The following TRIM55 variants were observed in gnomAD, a reference collection of about 807,000 sequenced individuals.
TRIM55 encodes the protein tripartite motif containing 55.
A neutral mutation model predicts 60.9 loss-of-function variants in TRIM55; 50 were observed. The observed-to-expected ratio is 0.82, with a 90% confidence interval of 0.65 to 1.04. The LOEUF (loss-of-function observed/expected upper bound fraction) is 1.04, where lower values mean the gene tolerates loss of function less well. Ranked by LOEUF, TRIM55 falls within the 50% of genes least tolerant of loss-of-function variation. The pLI is 0.00. For missense variants in TRIM55, 681 were observed against 666.9 expected, an observed-to-expected ratio of 1.02 and a Z score of -0.23; for synonymous variants, 237 against 238.1, an observed-to-expected ratio of 1.00 and a Z score of 0.04.
chr8:66,168,357 A>G (rs1009269534), intron 9 of TRIM55, among the ~76,000 whole-genome samples: 1 of 152,230 alleles, frequency 6.6e-6, no homozygotes, highest in African/African-American at 2.4e-5. Flanking sequence ...AGGAATCTGT[A>G]ACACCTAAAC....
chr8:66,126,381 G>T (rs2128971507), upstream of TRIM55, among the ~76,000 whole-genome samples: 1 of 152,308 alleles, frequency 6.6e-6, no homozygotes, highest in South Asian at 2.1e-4. Flanking sequence ...GGTGTATGTA[G>T]GAGGTGGGGC....
intron 2 of TRIM55, 129 bp downstream of exon 2, chr8:66,128,605 C>T (rs917005036): frequency 1.0e-6 from 1 of 986,570 alleles, no homozygotes; most frequent in Non-Finnish European, 1.5e-6. Context: ...AATGGTTTTC[C>T]AAGTCAGTCC....
At chr8:66,164,222 A>T (rs1041444226) in intron 9 of TRIM55, among the ~76,000 whole-genome samples, 1 of 152,150 alleles carries the variant, frequency 6.6e-6, no homozygotes, top group Non-Finnish European at 1.5e-5. Flanking sequence ...CCTGAGTCCA[A>T]CAAGCCTGCG....
At chr8:66,133,499 G>A (rs960075694) in intron 2 of TRIM55, among the ~76,000 whole-genome samples, 21 of 152,198 alleles carry the variant, frequency 1.4e-4, no homozygotes, top group African/African-American at 4.8e-4. Context: ...CTCAATTGTG[G>A]AGTTGACTTC....
chr8:66,123,814 C>G (rs372768406), upstream of TRIM55, among the ~76,000 whole-genome samples: 1 of 152,174 alleles, frequency 6.6e-6, no homozygotes, highest in Non-Finnish European at 1.5e-5. Flanking sequence ...GCTATGATTG[C>G]GCCACTGCAC....
At chr8:66,140,591 G>C (rs950683393) in intron 4 of TRIM55, among the ~76,000 whole-genome samples, 1 of 152,200 alleles carries the variant, frequency 6.6e-6, no homozygotes, top group African/African-American at 2.4e-5. Flanking sequence ...ATCTGTCATC[G>C]CTGGGGTGAT....
chr8:66,167,273 T>C (rs1811379666), intron 9 of TRIM55, among the ~76,000 whole-genome samples: 1 of 152,352 alleles, frequency 6.6e-6, no homozygotes, highest in Middle Eastern at 3.4e-3. Context: ...CCCATGGTTC[T>C]TAAGGACAAC....
At chr8:66,150,059 G>C (rs530451766) in intron 5 of TRIM55, among the ~76,000 whole-genome samples, 158 bp from the exon 6 acceptor site, 1 of 152,258 alleles carries the variant, frequency 6.6e-6, no homozygotes, top group East Asian at 1.9e-4. Context: ...CTATGATACT[G>C]CTTAAATCTA....
chr8:66,128,499 T>C, intron 2 of TRIM55, 23 bp downstream of exon 2: 5 of 1,607,412 alleles, frequency 3.1e-6, no homozygotes, highest in Non-Finnish European at 4.2e-6. Flanking sequence ...CACTCTTCCA[T>C]GTGTCAAGCC....
At chr8:66,134,376 T>C (rs1479824755) in intron 2 of TRIM55, among the ~76,000 whole-genome samples, 2 of 152,188 alleles carry the variant, frequency 1.3e-5, no homozygotes, top group African/African-American at 2.4e-5. Flanking sequence ...ATCCAACCAG[T>C]ACTTGAATTA....
chr8:66,128,082 G>C (rs956149790), intron 1 of TRIM55, among the ~76,000 whole-genome samples: 1 of 152,156 alleles, frequency 6.6e-6, no homozygotes, highest in African/African-American at 2.4e-5. Context: ...AGTGGTGGAC[G>C]GAAAAGCACC....
At chr8:66,139,156 AT>A (rs1467256082) in intron 4 of TRIM55, among the ~76,000 whole-genome samples, 1 of 152,214 alleles carries the variant, frequency 6.6e-6, no homozygotes, top group Non-Finnish European at 1.5e-5. Context: ...GCAAAATACA[AT>A]TTGGTCATAA....
chr8:66,143,314 A>G (rs1214159191), intron 4 of TRIM55, among the ~76,000 whole-genome samples: 1 of 152,228 alleles, frequency 6.6e-6, no homozygotes, highest in Non-Finnish European at 1.5e-5. Flanking sequence ...TTTCAGGGCT[A>G]GGACATGTAA....
chr8:66,155,799 C>T, intron 9 of TRIM55: 1 of 938,096 alleles, frequency 1.1e-6, no homozygotes, highest in Non-Finnish European at 1.6e-6. Flanking sequence ...ATTAATTTCT[C>T]CCCAAATCTT....
chr8:66,137,967 C>T (rs1164716075), intron 4 of TRIM55, among the ~76,000 whole-genome samples: 1 of 152,134 alleles, frequency 6.6e-6, no homozygotes, highest in Admixed American at 6.5e-5. Context: ...ATTGAAAATT[C>T]ACTGACTAGT....
chr8:66,155,014 T>C (rs1478114287), intron 9 of TRIM55, among the ~76,000 whole-genome samples: 1 of 152,224 alleles, frequency 6.6e-6, no homozygotes, highest in East Asian at 1.9e-4. Flanking sequence ...TTTGCATGTC[T>C]TGAAGAGTCC....
At chr8:66,141,616 A>G (rs941181571) in intron 4 of TRIM55, among the ~76,000 whole-genome samples, 6 of 152,214 alleles carry the variant, frequency 3.9e-5, no homozygotes, top group African/African-American at 9.6e-5. Flanking sequence ...AACTTATCCT[A>G]TGTCACTGGA....
At chr8:66,156,779 G>A (rs796182728) in intron 9 of TRIM55, among the ~76,000 whole-genome samples, 10 of 152,228 alleles carry the variant, frequency 6.6e-5, no homozygotes, top group Admixed American at 2.0e-4. Flanking sequence ...TGGCGGTGGC[G>A]TCTCCATTGG....
the TRIM55 span, chr8:66,113,450 G>A: frequency 4.4e-6 from 2 of 453,222 alleles, no homozygotes; most frequent in Non-Finnish European, 8.9e-6. Context: ...TTCGATTCCG[G>A]CTCGAAGGAG....
Sources: allele counts gnomAD v4.1 joint callset (sites outside exome capture counted in the v4.1 genomes callset), GRCh38; gene constraint gnomAD v4.1.1; transcripts MANE v1.5; gene names NCBI Gene and HGNC (gene_info 2026-07-23, HGNC 2026-07-21).